Variants in RBFOX1 observed in about 807,000 individuals in gnomAD.
RBFOX1 encodes RNA binding fox-1 homolog 1, also known as RNA binding protein fox-1 homolog 1.
RBFOX1 carries 8 observed loss-of-function variants against 57.7 expected under a neutral mutation model. The observed-to-expected ratio is 0.14, with a 90% confidence interval of 0.08 to 0.25. The LOEUF (loss-of-function observed/expected upper bound fraction) is 0.25, where lower values mean the gene tolerates loss of function less well. Among genes scored for constraint, RBFOX1 ranks in the 10% least tolerant of loss-of-function variants. The pLI, the probability that RBFOX1 is intolerant of heterozygous loss-of-function variation, is 1.00. For synonymous variants in RBFOX1, 326 were observed against 222.4 expected, an observed-to-expected ratio of 1.47 and a Z score of -4.15; for missense variants, 611 against 548.5, an observed-to-expected ratio of 1.11 and a Z score of -1.14.
chr16:6,961,150 CAG>C (rs1269057069), intron 3 of RBFOX1, among the ~76,000 whole-genome samples: 5 of 150,242 alleles, frequency 3.3e-5, no homozygotes, highest in Non-Finnish European at 7.4e-5. Context: ...CACACCCACA[CAG>C]ACACACACAC....
chr16:7,095,268 G>A (rs2061508941), intron 4 of RBFOX1, among the ~76,000 whole-genome samples: 1 of 152,050 alleles, frequency 6.6e-6, no homozygotes, highest in East Asian at 1.9e-4. Flanking sequence ...TACCCAAGTA[G>A]CTGAGATTAC....
At chr16:6,557,722 C>T (rs954839269) in intron 2 of RBFOX1, among the ~76,000 whole-genome samples, 11 of 152,210 alleles carry the variant, frequency 7.2e-5, no homozygotes, top group East Asian at 5.8e-4. Flanking sequence ...GTTGCATAAG[C>T]ATTTTCCTTC....
At chr16:5,976,995 C>T (rs925194204) in intron 4 of RBFOX1, among the ~76,000 whole-genome samples, 2 of 152,158 alleles carry the variant, frequency 1.3e-5, no homozygotes, top group African/African-American at 2.4e-5. Flanking sequence ...TTTGATACAC[C>T]TCTGCCAGCA....
intron 2 of RBFOX1, among the ~76,000 whole-genome samples, chr16:6,598,360 C>G (rs59458039): frequency 6.6e-6 from 1 of 152,046 alleles, no homozygotes; most frequent in South Asian, 2.1e-4. Context: ...TTATTTAATA[C>G]TCTCCTATTA....
chr16:6,539,714 C>A (rs781345187), intron 2 of RBFOX1, among the ~76,000 whole-genome samples: 1 of 151,880 alleles, frequency 6.6e-6, no homozygotes, highest in Non-Finnish European at 1.5e-5. Flanking sequence ...AGGAGAATTG[C>A]TTGAACCTGG....
intron 3 of RBFOX1, among the ~76,000 whole-genome samples, chr16:6,771,595 C>T (rs1488061487): frequency 1.3e-5 from 2 of 152,208 alleles, no homozygotes; most frequent in African/African-American, 4.8e-5. Flanking sequence ...AGAGAGCTTT[C>T]TGATGCCTAA....
intron 3 of RBFOX1, among the ~76,000 whole-genome samples, chr16:5,818,229 A>C (rs888596954): frequency 6.6e-6 from 1 of 152,190 alleles, no homozygotes; most frequent in Admixed American, 6.5e-5. Context: ...TGGTGCCTCC[A>C]GGCATTGTGT....
chr16:5,885,262 T>G (rs1202625222), intron 4 of RBFOX1, among the ~76,000 whole-genome samples: 1 of 151,018 alleles, frequency 6.6e-6, no homozygotes, highest in Non-Finnish European at 1.5e-5. Context: ...AGGTGTCATA[T>G]GAATCAACAT....
intron 2 of RBFOX1, among the ~76,000 whole-genome samples, chr16:6,494,049 G>A (rs1353060049): frequency 6.6e-6 from 1 of 151,814 alleles, no homozygotes; most frequent in African/African-American, 2.4e-5. Context: ...TTAGGCTTTG[G>A]CAATGTTCTT....
chr16:6,766,109 G>A (rs942308632), intron 3 of RBFOX1, among the ~76,000 whole-genome samples: 7 of 151,488 alleles, frequency 4.6e-5, no homozygotes, highest in African/African-American at 1.7e-4. Context: ...AAACTAACCT[G>A]TAACCCTAAA....
At position 6,510,399 on chromosome 16, in the gene RBFOX1, CTTG is replaced by C. The variant is rs202129536; in HGVS notation, c.-63-144197_-63-144195del. 2.2e-3 allele frequency among the ~76,000 whole-genome samples: 341 copies of C among 152,258 alleles called. 5 individuals are homozygous for C. The East Asian group carries it at 0.043, about 19-fold the overall frequency. On this transcript the variant is annotated intron_variant, in intron 2 of 15. Transcript: ENST00000550418. ...CCCAGTTTCCCGATGCCGTTCTGCT[CTTG>C]TTGTTGATGACACGCTGAGTCCCTG...
chr16:7,567,869 C>T (rs142718624), intron 5 of RBFOX1, among the ~76,000 whole-genome samples: 125 of 119,244 alleles, frequency 1.0e-3, no homozygotes, highest in African/African-American at 4.0e-3. Context: ...ATATATACCT[C>T]TCTATATATG....
At chr16:7,309,375 A>C (rs2096261668) in intron 4 of RBFOX1, among the ~76,000 whole-genome samples, 1 of 152,246 alleles carries the variant, frequency 6.6e-6, no homozygotes, top group Non-Finnish European at 1.5e-5. Context: ...CTGCTTTAAA[A>C]TTACTTAATC....
At chr16:5,977,269 A>C (rs1271768990) in intron 4 of RBFOX1, among the ~76,000 whole-genome samples, 1 of 152,150 alleles carries the variant, frequency 6.6e-6, no homozygotes, top group Non-Finnish European at 1.5e-5. Flanking sequence ...TGCCTGCCCC[A>C]TGACCCTGGA....
rs185946112 is a variant in RBFOX1 at position 5,678,414 on chromosome 16, T to C, written c.318+79453T>C. ...CTTTTGAAAGAAATTCCTGCCAGTT[T>C]CTATTGTTCTTAAACAAGAACCCTA... is the stretch of plus-strand genomic sequence containing the variant. On this transcript the variant is annotated intron_variant, in intron 3 of 19. Transcript: ENST00000641259. Among the ~76,000 whole-genome samples the C allele has an allele frequency of 4.0e-3, 610 of 152,322 alleles. 6 individuals carry two copies. Among genetic ancestry groups the C allele is most frequent in the Non-Finnish European group, 5.7e-3 (390 of 68,014 alleles).
At position 5,547,212 on chromosome 16, in the gene RBFOX1, C is replaced by T. The variant is rs117070320; in HGVS notation, c.259-51690C>T. On this transcript the variant is annotated intron_variant, in intron 2 of 2. Coordinates refer to the RBFOX1 transcript ENST00000585867. ...TTTGACAGTTTTCTAACTGGTTCAA[C>T]ATGCACCTGTCATGTCATCTAGCCA... Among the ~76,000 whole-genome samples, 1,378 of 152,314 alleles carry T rather than the reference C, an allele frequency of 9.0e-3. 10 individuals are homozygous for T. Among genetic ancestry groups the T allele is most frequent in the Non-Finnish European group, 0.015 (1,034 of 68,022 alleles).
chr16:6,544,489 T>C (rs1313021038), intron 2 of RBFOX1, among the ~76,000 whole-genome samples: 3 of 152,190 alleles, frequency 2.0e-5, no homozygotes, highest in African/African-American at 7.2e-5. Context: ...TAGGATCTCA[T>C]AGGAAATTTT....
intron 3 of RBFOX1, among the ~76,000 whole-genome samples, chr16:5,734,355 G>A (rs1483130056): frequency 6.6e-6 from 1 of 152,142 alleles, no homozygotes; most frequent in Non-Finnish European, 1.5e-5. Flanking sequence ...TTGAGCCCAG[G>A]GGTTCAAGGC....
rs138522187 is a variant in RBFOX1, at chr16:5,892,556, C to T, written c.351+25221C>T. Among the ~76,000 whole-genome samples the T allele has an allele frequency of 1.4e-4, 22 of 152,218 alleles. No homozygotes were observed. The East Asian group carries it at 4.3e-3, about 29-fold the overall frequency. ...AAGGAGGTCATAAAGCAATGAGAGA[C>T]GAGCTGTGAGAAGTAAGCAGAGAGG... On this transcript the variant is annotated intron_variant, in intron 4 of 19. Coordinates refer to the RBFOX1 transcript ENST00000641259.
Sources: allele counts gnomAD v4.1 joint callset (sites outside exome capture counted in the v4.1 genomes callset), GRCh38; gene constraint gnomAD v4.1.1; transcripts MANE v1.5; gene names NCBI Gene and HGNC (gene_info 2026-07-23, HGNC 2026-07-21).